Variants in RBM47 observed in about 807,000 individuals in gnomAD.
The protein encoded by RBM47 is RNA binding motif protein 47, also known as RNA-binding protein 47.
In RBM47, 21 loss-of-function variants were observed where a neutral mutation model predicts 47.1. The ratio of observed to expected loss-of-function variants is 0.45; its 90% confidence interval spans 0.32 to 0.64. The LOEUF is 0.64. RBM47 is among the 30% of genes least tolerant of loss of function. RBM47 has a pLI of 0.05. For synonymous variants in RBM47, 375 were observed against 361.7 expected (o/e 1.04, Z -0.42); for missense variants, 708 against 870.9 (o/e 0.81, Z 2.35).
chr4:40,431,586 A>AG (rs1716042918), intron 6 of RBM47, among the ~76,000 whole-genome samples: 1 of 150,662 alleles, frequency 6.6e-6, no homozygotes, highest in Non-Finnish European at 1.5e-5. Context: ...TGAACCTGGG[A>AG]GGCGGAGCTT....
At chr4:40,491,772 A>G (rs1577781232) in intron 2 of RBM47, 1 of 203,758 alleles carries the variant, frequency 4.9e-6, no homozygotes. Flanking sequence ...AAGCATCGCA[A>G]TAAGATGCAC....
chr4:40,470,477 A>T (rs1718692692), intron 2 of RBM47, among the ~76,000 whole-genome samples: 1 of 151,940 alleles, frequency 6.6e-6, no homozygotes, highest in African/African-American at 2.4e-5. Context: ...GCCTATCTTG[A>T]TTTTTTTGCC....
At chr4:40,588,811 C>G (rs1303412300) in intron 1 of RBM47, among the ~76,000 whole-genome samples, 3 of 151,932 alleles carry the variant, frequency 2.0e-5, no homozygotes, top group Non-Finnish European at 4.4e-5. Context: ...GCAGGAGCAA[C>G]AAGGAGAGAC....
chr4:40,609,743 G>A (rs541948709), intron 1 of RBM47, among the ~76,000 whole-genome samples: 5 of 152,080 alleles, frequency 3.3e-5, no homozygotes, highest in South Asian at 2.1e-4. Flanking sequence ...TCTAGGTTCC[G>A]GAATCCCTCT....
chr4:40,534,294 T>C (rs1400882026), intron 2 of RBM47, among the ~76,000 whole-genome samples: 1 of 152,022 alleles, frequency 6.6e-6, no homozygotes, highest in Non-Finnish European at 1.5e-5. Flanking sequence ...CACAACATGA[T>C]TGAAACTTGA....
chr4:40,535,565 GTTTTTGTA>G (rs1727887699), intron 2 of RBM47, among the ~76,000 whole-genome samples: 1 of 143,880 alleles, frequency 7.0e-6, no homozygotes, highest in Admixed American at 7.0e-5. Flanking sequence ...TTTCGTTTTT[GTTTTTGTA>G]TTTTTCAGAC....
chr4:40,514,875 G>A (rs1252375905), intron 2 of RBM47: 2 of 152,186 alleles, frequency 1.3e-5, no homozygotes, highest in African/African-American at 2.4e-5. Flanking sequence ...GTGGCATAAC[G>A]ATAAGCTCAT....
At chr4:40,449,780 G>A (rs929983086) in intron 3 of RBM47, among the ~76,000 whole-genome samples, 6 of 152,304 alleles carry the variant, frequency 3.9e-5, no homozygotes, top group African/African-American at 1.4e-4. Context: ...CCGGGTTCAA[G>A]TGATTCTCCT....
At chr4:40,556,037 C>CTTT (rs112819173) in intron 1 of RBM47, among the ~76,000 whole-genome samples, 1 of 139,482 alleles carries the variant, frequency 7.2e-6, no homozygotes, top group South Asian at 2.3e-4. Flanking sequence ...AAAAGATCTT[C>CTTT]TTTTTTTTTT....
At chr4:40,509,573 T>A (rs188295415) in intron 2 of RBM47, among the ~76,000 whole-genome samples, 2 of 152,164 alleles carry the variant, frequency 1.3e-5, no homozygotes, top group East Asian at 3.9e-4. Flanking sequence ...CCTGTCTCTA[T>A]AAAATTTTTA....
intron 2 of RBM47, among the ~76,000 whole-genome samples, chr4:40,536,381 G>T (rs904411951): frequency 1.3e-5 from 2 of 152,178 alleles, no homozygotes; most frequent in African/African-American, 4.8e-5. Context: ...TGACATTTAA[G>T]TATCACCCAT....
chr4:40,551,836 A>G (rs1729594854), intron 1 of RBM47, among the ~76,000 whole-genome samples: 1 of 151,882 alleles, frequency 6.6e-6, no homozygotes, highest in Non-Finnish European at 1.5e-5. Flanking sequence ...TTTAGTAGAG[A>G]CAGGGTTTCA....
At position 40,484,989 on chromosome 4, in the gene RBM47, GTC is replaced by G. The variant is rs565051997; in HGVS notation, c.-154-18292_-154-18291del. Among the ~76,000 whole-genome samples the G allele has an allele frequency of 3.2e-4, 49 of 150,814 alleles. No homozygotes were observed. The East Asian group carries it at 9.3e-3, about 29-fold the overall frequency. ...AAGCTTATACACAAAGTTTAAGATT[GTC>G]TCTTTTTTTTTGTTTGTTTTCTTTT... On this transcript the variant is annotated intron_variant, in intron 2 of 6. Coordinates refer to ENST00000295971, the MANE Select transcript of RBM47 (RefSeq NM_001098634.2).
At chr4:40,596,814 G>C (rs1734797853) in intron 1 of RBM47, among the ~76,000 whole-genome samples, 1 of 152,114 alleles carries the variant, frequency 6.6e-6, no homozygotes, top group African/African-American at 2.4e-5. Context: ...AGAAGAGAGA[G>C]AGAGAATCAA....
Position 40,461,619 on chromosome 4 carries a change from C to T in RBM47, c.-32+4958G>A, listed in dbSNP as rs557292952. 6.6e-5 allele frequency among the ~76,000 whole-genome samples: 10 copies of T among 152,196 alleles called. No homozygotes were observed. In the East Asian group the frequency reaches 9.6e-4, roughly 15 times the overall value. On this transcript the variant is annotated intron_variant, in intron 3 of 6. Transcript: ENST00000295971. ...ATTTCAGTTTGTTTCTCATAGGTTC[C>T]GAAGTCAGAGTTTTAAAAGATTTAA...
At chr4:40,621,456 ACT>A (rs536249021) in intron 1 of RBM47, among the ~76,000 whole-genome samples, 50 of 152,350 alleles carry the variant, frequency 3.3e-4, no homozygotes, top group Non-Finnish European at 5.3e-4. Flanking sequence ...AAAATTAAAG[ACT>A]CAAACAATGA....
chr4:40,582,768 C>A (rs879641988), intron 1 of RBM47, among the ~76,000 whole-genome samples: 4 of 152,116 alleles, frequency 2.6e-5, no homozygotes, highest in East Asian at 3.9e-4. Flanking sequence ...CAACCTTATA[C>A]CCTACTCTCA....
intron 4 of RBM47, among the ~76,000 whole-genome samples, chr4:40,437,090 A>AAAAAAAAAAAAAAAAAAATATATAT (rs1256296949): frequency 4.0e-5 from 2 of 49,794 alleles, no homozygotes; most frequent in Non-Finnish European, 6.6e-5. Context: ...AAAAAAAAAA[A>AAAAAAAAAAAAAAAAAAATATATAT]ATATATATAT....
rs547642145 is a variant in RBM47, at chr4:40,491,749, G to A, written c.-154-25050C>T. 7.2e-4 allele frequency: 128 copies of A among 178,908 alleles called. 2 individuals carry two copies. In the South Asian group the frequency reaches 0.017, roughly 24 times the overall value. The allele number at this position is 178,908 out of a possible 1,614,324, so 11.1% of individuals were successfully genotyped here. A position where few individuals can be genotyped will look rare whatever the true frequency, so the allele number is the denominator to read the frequency against. ...GCAGAAGCCAAATGACAAAGAGAACGTCATCGTCTGGAAAGCATCGCAATA... is the reference window on the plus strand; with the variant it reads ...GCAGAAGCCAAATGACAAAGAGAACATCATCGTCTGGAAAGCATCGCAATA... On this transcript the variant is annotated intron_variant, in intron 2 of 6. Coordinates refer to ENST00000295971, the MANE Select transcript of RBM47 (RefSeq NM_001098634.2).
Sources: gnomAD v4.1 joint callset for allele counts (sites outside exome capture counted in the v4.1 genomes callset) on GRCh38, gnomAD v4.1.1 for gene constraint, MANE v1.5 for transcripts, NCBI Gene and HGNC (gene_info 2026-07-23, HGNC 2026-07-21) for gene names.